The following ADGRV1 variants were observed in gnomAD, a reference collection of about 807,000 sequenced individuals.
The protein encoded by ADGRV1 is adhesion G protein-coupled receptor V1.
ADGRV1 carries 359 observed loss-of-function variants against 596.2 expected under a neutral mutation model. The ratio of observed to expected loss-of-function variants is 0.60; its 90% confidence interval spans 0.55 to 0.66. The LOEUF (loss-of-function observed/expected upper bound fraction) is 0.66. Ranked by LOEUF, ADGRV1 falls within the 30% of genes least tolerant of loss-of-function variation. The pLI, the probability that ADGRV1 is intolerant of heterozygous loss-of-function variation, is 0.00. For synonymous variants in ADGRV1, 2,681 were observed against 2,679.2 expected (o/e 1.00, Z -0.02); for missense variants, 7,274 against 7,575.6 (o/e 0.96, Z 1.48).
At chr5:91,070,476 G>C (rs1788289307) in intron 85 of ADGRV1, among the ~76,000 whole-genome samples, 1 of 152,126 alleles carries the variant, frequency 6.6e-6, no homozygotes, top group East Asian at 1.9e-4. Context: ...TACTTCAAAA[G>C]AGGCACTTCT....
At position 90,690,730 on chromosome 5, in the gene ADGRV1, G is replaced by A. The variant is rs1025067867; in HGVS notation, c.6707-67G>A. 6 of 1,475,484 alleles carry A rather than the reference G, an allele frequency of 4.1e-6. 1 individual carries two copies. In the South Asian group the frequency reaches 7.5e-5, roughly 18 times the overall value. The allele number at this position is 1,475,484 out of a possible 1,614,324, so 91.4% of individuals were successfully genotyped here. A position where few individuals can be genotyped will look rare whatever the true frequency, so the allele number is the denominator to read the frequency against. ...GGAAGAGAATCCACTATAGGATGGTGCTTGGTTAACTGTTATCTCTGTTTC... is the reference window on the plus strand; with the variant it reads ...GGAAGAGAATCCACTATAGGATGGTACTTGGTTAACTGTTATCTCTGTTTC... On this transcript the variant is annotated intron_variant, in intron 30 of 89. Coordinates refer to ENST00000405460, the MANE Select transcript of ADGRV1 (RefSeq NM_032119.4).
At chr5:90,943,021 A>G (rs1167270604) in intron 83 of ADGRV1, among the ~76,000 whole-genome samples, 1 of 152,134 alleles carries the variant, frequency 6.6e-6, no homozygotes, top group East Asian at 1.9e-4. Flanking sequence ...TTAAATAAGT[A>G]ATCAGCAAGA....
chr5:90,743,616 T>C (rs1754247767), intron 50 of ADGRV1, among the ~76,000 whole-genome samples: 1 of 151,784 alleles, frequency 6.6e-6, no homozygotes. Context: ...GGACTACAGG[T>C]GCCCACCACC....
chr5:90,985,868 C>G (rs1350171824), intron 85 of ADGRV1, among the ~76,000 whole-genome samples: 1 of 151,916 alleles, frequency 6.6e-6, no homozygotes, highest in Non-Finnish European at 1.5e-5. Context: ...GTGGCACATT[C>G]TCTAAGCAGT....
intron 85 of ADGRV1, among the ~76,000 whole-genome samples, chr5:91,011,213 G>C (rs1211267406): frequency 1.3e-5 from 2 of 151,924 alleles, no homozygotes; most frequent in Non-Finnish European, 2.9e-5. Flanking sequence ...AAAGTTAGTA[G>C]ATGAAAAACT....
rs561871368 is a variant in ADGRV1 at position 90,646,036 on chromosome 5, T to C, written c.2967T>C (p.Asn989=). The C allele has an allele frequency of 2.5e-6, 4 of 1,606,056 alleles. No individual in the cohort carries two copies. In the East Asian group the frequency reaches 9.0e-5, roughly 36 times the overall value. Residue 989 remains asparagine (N), a synonymous_variant, in exon 16 of 90, where the codon AAT becomes AAC. Coordinates refer to ENST00000405460, the MANE Select transcript of ADGRV1 (RefSeq NM_032119.4). ...GCACTGGAGGAGCTAAAGTGGGAAATAGAACAACTGCAACTCTGAGGATTA... is the reference window on the plus strand; with the variant it reads ...GCACTGGAGGAGCTAAAGTGGGAAACAGAACAACTGCAACTCTGAGGATTA... The part of the protein sequence containing the change: ...LNGTGGAKVG[N]RTTATLRIRR...
intron 85 of ADGRV1, among the ~76,000 whole-genome samples, chr5:91,069,530 A>G (rs762216624): frequency 3.3e-5 from 5 of 152,226 alleles, no homozygotes; most frequent in Non-Finnish European, 7.3e-5. Flanking sequence ...ATCAATCATC[A>G]GGGAAATGCA....
At chr5:90,862,013 C>T (rs1219461847) in intron 82 of ADGRV1, among the ~76,000 whole-genome samples, 1 of 152,158 alleles carries the variant, frequency 6.6e-6, no homozygotes, top group African/African-American at 2.4e-5. Flanking sequence ...CTGCCACTGG[C>T]TTTGAATCCT....
At chr5:91,085,899 T>C (rs1212829559) in intron 86 of ADGRV1, among the ~76,000 whole-genome samples, 3 of 152,208 alleles carry the variant, frequency 2.0e-5, no homozygotes, top group African/African-American at 7.2e-5. Flanking sequence ...TTGCCTGTTC[T>C]CATCACCTTG....
chr5:90,993,182 G>A (rs1179835628), intron 85 of ADGRV1, among the ~76,000 whole-genome samples: 3 of 127,990 alleles, frequency 2.3e-5, no homozygotes, highest in Non-Finnish European at 4.7e-5. Flanking sequence ...TTTTTTTGAC[G>A]GAGGCTTGCT....
intron 86 of ADGRV1, among the ~76,000 whole-genome samples, chr5:91,089,743 A>G (rs1790219615): frequency 6.6e-6 from 1 of 152,218 alleles, no homozygotes; most frequent in South Asian, 2.1e-4. Flanking sequence ...TGTAAAAGAT[A>G]ACTGGCTATT....
intron 21 of ADGRV1, among the ~76,000 whole-genome samples, chr5:90,667,887 C>G (rs1445610226): frequency 6.6e-6 from 1 of 152,042 alleles, no homozygotes; most frequent in African/African-American, 2.4e-5. Flanking sequence ...TGTCAGTGTG[C>G]CCCTGTTGGG....
At chr5:90,633,932 CA>C (rs2149397770) in intron 9 of ADGRV1, among the ~76,000 whole-genome samples, 1 of 152,120 alleles carries the variant, frequency 6.6e-6, no homozygotes, top group South Asian at 2.1e-4. Flanking sequence ...CTATCCATCG[CA>C]AAATAGGAGA....
rs747115700 is a variant in ADGRV1 at position 90,815,716 on chromosome 5, T to C, written c.16176T>C (p.Ile5392=). The change falls in exon 75 of 90, where the codon ATT becomes ATC. Residue 5392 remains isoleucine, a synonymous_variant. Coordinates refer to ENST00000405460, the MANE Select transcript of ADGRV1 (RefSeq NM_032119.4). ...EGAVMRRLHL[I]VTRQPNRAFE... ...CTGTTATGAGAAGATTGCACCTTATTGTCACAAGACAGCCAAACAGGTATG... is the reference window on the plus strand; with the variant it reads ...CTGTTATGAGAAGATTGCACCTTATCGTCACAAGACAGCCAAACAGGTATG... 2 of 1,559,052 alleles carry C rather than the reference T, an allele frequency of 1.3e-6. No homozygotes were observed. Among genetic ancestry groups the C allele is most frequent in the South Asian group, 1.2e-5 (1 of 84,736 alleles).
intron 83 of ADGRV1, among the ~76,000 whole-genome samples, chr5:90,910,463 G>A (rs1350175990): frequency 2.6e-5 from 4 of 151,842 alleles, no homozygotes; most frequent in East Asian, 3.9e-4. Flanking sequence ...TTTAAAAATC[G>A]TGTTTATTTC....
At chr5:91,021,253 G>A (rs1044107824) in intron 85 of ADGRV1, among the ~76,000 whole-genome samples, 1 of 152,024 alleles carries the variant, frequency 6.6e-6, no homozygotes, top group Admixed American at 6.6e-5. Flanking sequence ...TTTTTGAAGA[G>A]CTATAATGTA....
rs374852466 is a variant in ADGRV1 at position 90,614,836 on chromosome 5, G to T, written c.24G>T (p.Gly8=). ...AATATTTTTTTCTTTTTGTTTTAGG[G>T]ATGCCCTCTGCATCTTTATTAGTAA... MSVFLGP[G]MPSASLLVNL... is the part of the protein sequence containing the mutation. Residue 8 remains glycine (G), a splice_region_variant and synonymous_variant, in exon 2 of 90, where the codon GGG becomes GGT. Transcript: ENST00000405460. 1 of 1,603,998 alleles carries T rather than the reference G, an allele frequency of 6.2e-7. No individual in the cohort carries two copies.
At chr5:90,704,733 G>A (rs954760352) in intron 36 of ADGRV1, among the ~76,000 whole-genome samples, 10 of 152,152 alleles carry the variant, frequency 6.6e-5, no homozygotes, top group African/African-American at 1.4e-4. Context: ...ATTCATTTCC[G>A]AAGGTAGAAT....
At chr5:90,618,019 A>G in intron 3 of ADGRV1, 66 bp downstream of exon 3, 1 of 1,238,822 alleles carries the variant, frequency 8.1e-7, no homozygotes, top group Non-Finnish European at 1.1e-6. Context: ...AAAATCTTTT[A>G]GTGCTTAACA....
Sources: allele counts gnomAD v4.1 joint callset (sites outside exome capture counted in the v4.1 genomes callset), GRCh38; gene constraint gnomAD v4.1.1; transcripts MANE v1.5; gene names NCBI Gene and HGNC (gene_info 2026-07-23, HGNC 2026-07-21).